ZNF567: variants seen among roughly 807,000 people sequenced by gnomAD.
The protein encoded by ZNF567 is zinc finger protein 567.
In ZNF567, 36 loss-of-function variants were observed where a neutral mutation model predicts 53.9. The ratio of observed to expected loss-of-function variants is 0.67; its 90% CI spans 0.51 to 0.88. The LOEUF (loss-of-function observed/expected upper bound fraction) is 0.88. ZNF567 is among the 40% of genes least tolerant of loss of function. ZNF567 has a pLI of 0.00. For synonymous variants in ZNF567, 224 were observed against 260.4 expected (o/e 0.86, Z 1.35); for missense variants, 619 against 764.7 (o/e 0.81, Z 2.25).
intron 3 of ZNF567, among the ~76,000 whole-genome samples, chr19:36,709,381 G>A (rs2039658618): frequency 6.6e-6 from 1 of 152,044 alleles, no homozygotes; most frequent in Non-Finnish European, 1.5e-5. Context: ...AAGAAGAAAG[G>A]AAATGAATAT....
At chr19:36,679,990 C>T in the ZNF567 span, among the ~76,000 whole-genome samples, 1 of 152,062 alleles carries the variant, frequency 6.6e-6, no homozygotes, top group Non-Finnish European at 1.5e-5. Flanking sequence ...TATGTTCTTA[C>T]CACAAAGAAA....
At chr19:36,673,120 T>A in the ZNF567 span, among the ~76,000 whole-genome samples, 4 of 152,310 alleles carry the variant, frequency 2.6e-5, no homozygotes, top group East Asian at 5.8e-4. Context: ...TTATGGGATA[T>A]CAGGGAGAAG....
chr19:36,718,819 AC>A lies in ZNF567; in HGVS notation c.224-125del. The stretch of plus-strand genomic sequence containing the variant: ...TTTTTGTTTAGGTTCCCCTCCCCGC[AC>A]CCCTGCCAGGCCAGTGGTCATTTGT... On this transcript the variant is annotated intron_variant, in intron 5 of 5. Coordinates refer to ENST00000682579, the MANE Select transcript of ZNF567 (RefSeq NM_001322917.1). The A allele has an allele frequency of 4.6e-6, 3 of 655,340 alleles. No homozygotes were observed. The East Asian group carries it at 8.9e-5, about 19-fold the overall frequency. 40.6% of individuals were successfully genotyped at this position (655,340 alleles called of 1,614,324 possible). A position where few individuals can be genotyped will look rare whatever the true frequency, so the allele number is the denominator to read the frequency against.
At chr19:36,680,688 A>C in the ZNF567 span, among the ~76,000 whole-genome samples, 1 of 152,192 alleles carries the variant, frequency 6.6e-6, no homozygotes, top group African/African-American at 2.4e-5. Context: ...AGACATCAGC[A>C]GGGCTGGAGC....
At chr19:36,727,012 T>TTTTC (rs1555809314), downstream of ZNF567, 111 of 125,642 alleles carry the variant, frequency 8.8e-4, no homozygotes, top group South Asian at 1.4e-3. Context: ...CTTTCTTTCC[T>TTTTC]TTTTTTTTTT....
At chr19:36,703,713 TG>T in intron 3 of ZNF567, 1 of 161,760 alleles carries the variant, frequency 6.2e-6, no homozygotes, top group Non-Finnish European at 1.3e-5. Context: ...CGAGACTCCG[TG>T]GGCATAGGAC....
At chr19:36,667,461 C>T in the ZNF567 span, among the ~76,000 whole-genome samples, 4 of 151,882 alleles carry the variant, frequency 2.6e-5, no homozygotes, top group African/African-American at 9.7e-5. Context: ...GAGGTCGCGC[C>T]ATTGCACTCC....
intron 5 of ZNF567, 27 bp downstream of exon 5, chr19:36,712,894 C>A (rs756987266): frequency 2.1e-5 from 32 of 1,560,860 alleles, no homozygotes; most frequent in Non-Finnish European, 2.6e-5. Context: ...TAGGCAGACA[C>A]AGTCTAGCAG....
downstream of ZNF567, among the ~76,000 whole-genome samples, chr19:36,724,715 G>C (rs1445606801): frequency 6.6e-6 from 1 of 151,220 alleles, no homozygotes; most frequent in East Asian, 1.9e-4. Context: ...GAGCTTGGTG[G>C]TGGGGTTCTA....
intron 5 of ZNF567, chr19:36,714,576 G>A (rs2039954014): frequency 2.5e-6 from 1 of 395,300 alleles, no homozygotes; most frequent in Non-Finnish European, 4.5e-6. Flanking sequence ...ATACCACCTC[G>A]GCTTTGTTTT....
the ZNF567 span, among the ~76,000 whole-genome samples, chr19:36,667,041 C>T: frequency 2.0e-5 from 3 of 152,154 alleles, no homozygotes; most frequent in Non-Finnish European, 4.4e-5. Context: ...CAGTGGCTGC[C>T]CCGAACCCCT....
At chr19:36,723,312 A>G, downstream of ZNF567, 1 of 696,924 alleles carries the variant, frequency 1.4e-6, no homozygotes. Flanking sequence ...CAGACATTTC[A>G]GTGGCTACCA....
chr19:36,712,927 G>A (rs993228112), intron 5 of ZNF567, 60 bp downstream of exon 5: 18 of 1,338,822 alleles, frequency 1.3e-5, no homozygotes, highest in Admixed American at 4.0e-5. Flanking sequence ...AAAGGGTCAA[G>A]TGGGGGTGAT....
At chr19:36,701,336 CT>C (rs1327907538) in intron 3 of ZNF567, among the ~76,000 whole-genome samples, 6 of 151,616 alleles carry the variant, frequency 4.0e-5, no homozygotes, top group Admixed American at 3.3e-4. Context: ...GAGAGCTTTA[CT>C]TCCAAGTATG....
intron 3 of ZNF567, among the ~76,000 whole-genome samples, chr19:36,700,666 G>C (rs1009488098): frequency 6.6e-6 from 1 of 152,058 alleles, no homozygotes; most frequent in East Asian, 1.9e-4. Flanking sequence ...TGTATGTGTC[G>C]AGGAATTTAT....
chr19:36,673,627 C>A, the ZNF567 span, among the ~76,000 whole-genome samples: 1 of 152,130 alleles, frequency 6.6e-6, no homozygotes, highest in African/African-American at 2.4e-5. Flanking sequence ...ACCAAGGCTC[C>A]ACAATTGCAT....
At position 36,719,296 on chromosome 19, in the gene ZNF567, T is replaced by C. The variant is rs565191602; in HGVS notation, c.572T>C (p.Phe191Ser). The C allele has an allele frequency of 1.2e-6, 2 of 1,613,938 alleles. No homozygotes were observed. The highest frequency in any genetic ancestry group is 2.7e-5 in the African/African-American group (2 of 75,032). Residue 191 changes from phenylalanine to serine, a missense_variant, in exon 6 of 6, where the codon TTC becomes TCC. Physicochemically the swap from Phe to Ser is radical, Grantham distance 155. Transcript: ENST00000682579. Reference protein sequence around the residue: ...VKSHNQSARAFSHNEVLMQYQ... With the variant: ...VKSHNQSARASSHNEVLMQYQ... ...TCCCATAATCAAAGTGCCAGAGCTT[T>C]CAGTCATAATGAAGTTCTTATGCAG...
intron 1 of ZNF567, among the ~76,000 whole-genome samples, chr19:36,688,606 G>C (rs1402025656): frequency 6.6e-6 from 1 of 151,756 alleles, no homozygotes; most frequent in Non-Finnish European, 1.5e-5. Context: ...AGGAGATCGA[G>C]AACATCCTGG....
At position 36,694,841 on chromosome 19, in the gene ZNF567, T is replaced by C. The variant is rs2145602928; in HGVS notation, c.-27T>C. The stretch of plus-strand genomic sequence containing the variant: ...CTAAAGAGGACTCCAAAGGAAGGAC[T>C]GGTCATCTCTTTCATATCTCAAAAC... On this transcript the variant is annotated 5_prime_UTR_variant, in exon 3 of 6. Transcript: ENST00000682579. 1 of 1,523,064 alleles carries C rather than the reference T, an allele frequency of 6.6e-7. No homozygotes were observed. The highest frequency in any genetic ancestry group is 1.2e-5 in the South Asian group (1 of 80,910). The allele number at this position is 1,523,064 out of a possible 1,614,324, so 94.3% of individuals were successfully genotyped here.
Sources: gnomAD v4.1 joint callset for allele counts (sites outside exome capture counted in the v4.1 genomes callset) on GRCh38, gnomAD v4.1.1 for gene constraint, MANE v1.5 for transcripts, NCBI Gene and HGNC (gene_info 2026-07-23, HGNC 2026-07-21) for gene names.